SRGAP3: variants seen among roughly 807,000 people sequenced by gnomAD.
SRGAP3 encodes SLIT-ROBO Rho GTPase-activating protein 3.
A neutral mutation model predicts 121.1 loss-of-function variants in SRGAP3; 39 were observed. The ratio of observed to expected loss-of-function variants is 0.32; its 90% CI spans 0.25 to 0.42. SRGAP3 has a LOEUF of 0.42. SRGAP3 is among the 10% of genes least tolerant of loss of function. The pLI is 1.00. For missense variants in SRGAP3, 1,213 were observed against 1,470.6 expected (o/e 0.82, Z 2.86); for synonymous variants, 601 against 570.0 (o/e 1.05, Z -0.77).
intron 3 of SRGAP3, among the ~76,000 whole-genome samples, chr3:9,269,662 G>C (rs1337451990): frequency 6.6e-6 from 1 of 152,150 alleles, no homozygotes; most frequent in Non-Finnish European, 1.5e-5. Flanking sequence ...GGAGTAAGGA[G>C]GCCTTTCACA....
At chr3:9,077,312 T>G (rs1390766711) in intron 4 of SRGAP3, among the ~76,000 whole-genome samples, 1 of 152,072 alleles carries the variant, frequency 6.6e-6, no homozygotes, top group Non-Finnish European at 1.5e-5. Context: ...CTCTGAATAT[T>G]CATGATCCCC....
chr3:9,018,757 A>G (rs1943766326), intron 14 of SRGAP3, among the ~76,000 whole-genome samples: 1 of 152,188 alleles, frequency 6.6e-6, no homozygotes, highest in African/African-American at 2.4e-5. Flanking sequence ...TTTTAGAAAT[A>G]CTTTTTTTAA....
At position 9,080,038 on chromosome 3, in the gene SRGAP3, T is replaced by C. The variant is rs146114631; in HGVS notation, c.473A>G (p.Asn158Ser). ...GGCAGAACTTACTGTGTAGAGCTCA[T>C]TGGTCACCTTCAGGAGCTCCTCGTG... ...QMHEELLKVT[N>S]ELYTVMKTYH... The change falls in exon 4 of 22, where the codon AAT (asparagine) becomes AGT (serine). Residue 158 changes from asparagine (N) to serine (S), a missense_variant. By Grantham distance (46) the Asn-to-Ser change is conservative. This residue lies in a region of SRGAP3 where 793 missense variants were observed against 1,032.9 expected (regional missense o/e 0.77). Coordinates refer to ENST00000383836, the MANE Select transcript of SRGAP3 (RefSeq NM_014850.4). The C allele has an allele frequency of 3.2e-5, 51 of 1,581,690 alleles. No homozygotes were observed. Among genetic ancestry groups the C allele is most frequent in the Non-Finnish European group, 4.3e-5 (50 of 1,162,964 alleles).
intron 1 of SRGAP3, among the ~76,000 whole-genome samples, chr3:9,139,515 AG>A (rs1157890446): frequency 2.6e-5 from 4 of 152,240 alleles, no homozygotes; most frequent in African/African-American, 4.8e-5. Context: ...GGTAGCCACC[AG>A]AAACTGGAAG....
chr3:9,188,203 A>G (rs780794514), intron 1 of SRGAP3, among the ~76,000 whole-genome samples: 8 of 152,250 alleles, frequency 5.3e-5, no homozygotes, highest in Non-Finnish European at 1.2e-4. Flanking sequence ...AAAATCCATG[A>G]CCAAAATTAA....
At chr3:9,171,023 C>A (rs450779) in intron 1 of SRGAP3, among the ~76,000 whole-genome samples, 26,659 of 152,258 alleles carry the variant, frequency 0.18, 2,907 homozygotes, top group Non-Finnish European at 0.25. Context: ...CTTGGGCAGT[C>A]AGCTTCCGCC....
intron 14 of SRGAP3, among the ~76,000 whole-genome samples, chr3:9,021,083 G>A (rs1043616337): frequency 3.9e-5 from 6 of 152,194 alleles, no homozygotes; most frequent in African/African-American, 7.2e-5. Flanking sequence ...ACAGGTCCTC[G>A]AGCCCCTCGA....
intron 4 of SRGAP3, among the ~76,000 whole-genome samples, chr3:9,067,241 T>C (rs1381530767): frequency 2.5e-5 from 2 of 79,184 alleles, no homozygotes; most frequent in African/African-American, 1.2e-4. Flanking sequence ...CTGGAGAACA[T>C]TAACTAATGT....
At chr3:9,180,252 A>T (rs1951333337) in intron 1 of SRGAP3, among the ~76,000 whole-genome samples, 1 of 152,230 alleles carries the variant, frequency 6.6e-6, no homozygotes, top group South Asian at 2.1e-4. Context: ...ACAAGTGGCC[A>T]TTGCTAGGGA....
At chr3:9,243,195 T>A (rs1953709170) in intron 1 of SRGAP3, among the ~76,000 whole-genome samples, 1 of 152,100 alleles carries the variant, frequency 6.6e-6, no homozygotes, top group South Asian at 2.1e-4. Flanking sequence ...TTGGAAGGCA[T>A]CGTGGAAGAA....
At chr3:9,187,788 C>A (rs561008748) in intron 1 of SRGAP3, among the ~76,000 whole-genome samples, 1 of 152,384 alleles carries the variant, frequency 6.6e-6, no homozygotes, top group Non-Finnish European at 1.5e-5. Flanking sequence ...AACGCTCGCT[C>A]ACTGGATGTC....
intron 3 of SRGAP3, among the ~76,000 whole-genome samples, chr3:9,296,309 T>C (rs986819725): frequency 2.0e-5 from 3 of 152,216 alleles, no homozygotes; most frequent in African/African-American, 4.8e-5. Context: ...GCTTATTGTT[T>C]TCTGTTTTTG....
At chr3:9,219,805 C>T (rs1234438679) in intron 1 of SRGAP3, among the ~76,000 whole-genome samples, 8 of 151,932 alleles carry the variant, frequency 5.3e-5, no homozygotes, top group Non-Finnish European at 7.4e-5. Context: ...GAGCCAAGAT[C>T]GCACCACTGA....
intron 3 of SRGAP3, chr3:9,292,715 G>C (rs1954889874): frequency 6.6e-6 from 1 of 152,038 alleles, no homozygotes; most frequent in African/African-American, 2.4e-5. Flanking sequence ...CTTTTAATTA[G>C]CCTGTGCATC....
chr3:9,169,718 A>G (rs1459617409), intron 1 of SRGAP3, among the ~76,000 whole-genome samples: 1 of 152,264 alleles, frequency 6.6e-6, no homozygotes, highest in South Asian at 2.1e-4. Context: ...GAATTAACCA[A>G]TACCACATTT....
intron 3 of SRGAP3, among the ~76,000 whole-genome samples, chr3:9,100,556 A>T (rs1948176906): frequency 6.6e-6 from 1 of 152,156 alleles, no homozygotes; most frequent in Non-Finnish European, 1.5e-5. Flanking sequence ...TCAAATAAGG[A>T]CACCGATCCC....
At position 9,239,634 on chromosome 3, in the gene SRGAP3, A is replaced by T. The variant is rs1026366857; in HGVS notation, c.67+9251T>A. Among the ~76,000 whole-genome samples, 1 of 152,220 alleles carries T rather than the reference A, an allele frequency of 6.6e-6. No individual in the cohort carries two copies. Among genetic ancestry groups the T allele is most frequent in the Non-Finnish European group, 1.5e-5 (1 of 68,048 alleles). On this transcript the variant is annotated intron_variant, in intron 1 of 21. Coordinates refer to ENST00000383836, the MANE Select transcript of SRGAP3 (RefSeq NM_014850.4). The surrounding 1 kb of genome is among the most constrained non-coding windows in gnomAD (Gnocchi z 4.0). ...TGTGCACCCCATTACCATCACGCAC[A>T]GATGGGCACACGCAATGCATATTGA...
chr3:9,110,627 C>T (rs762272281), intron 2 of SRGAP3, among the ~76,000 whole-genome samples: 1 of 152,246 alleles, frequency 6.6e-6, no homozygotes, highest in East Asian at 1.9e-4. Context: ...CTGTCCCAGG[C>T]CTGCCGTCCG....
Position 9,058,441 on chromosome 3 carries a change from GC to G in SRGAP3, c.832del (p.Ala278ProfsTer94). On this transcript the variant is annotated frameshift_variant, in exon 7 of 22. Coordinates refer to ENST00000383836, the MANE Select transcript of SRGAP3 (RefSeq NM_014850.4). LOFTEE classifies it high-confidence loss of function. ...CCDLGFHASLARTFRTYLSAE... is the reference protein window; with the variant it reads ...CCDLGFHASLXRTFRTYLSAE... ...TGAGAGATAGGTCCGGAAGGTGCGG[GC>G]CAGGCTGGCATGGAAGCCCAAATCA... 6.2e-7 allele frequency: 1 copy of G among 1,614,130 alleles called. No homozygotes were observed. The highest frequency in any genetic ancestry group is 2.2e-5 in the East Asian group (1 of 44,882).
Sources: gnomAD v4.1 joint callset for allele counts (sites outside exome capture counted in the v4.1 genomes callset) on GRCh38, gnomAD v4.1.1 for gene constraint, gnomAD v4.1.1 regional missense constraint, Gnocchi (gnomAD v3.1) non-coding constraint, MANE v1.5 for transcripts, NCBI Gene and HGNC (gene_info 2026-07-23, HGNC 2026-07-21) for gene names.